The following CYP3A43 variants were observed in gnomAD, a reference collection of about 807,000 sequenced individuals.
The protein encoded by CYP3A43 is cytochrome P450 3A43.
CYP3A43 carries 45 observed loss-of-function variants against 58.0 expected under a neutral mutation model. The observed-to-expected ratio is 0.78, with a 90% CI of 0.61 to 0.99. The LOEUF is 0.99. Ranked by LOEUF, CYP3A43 falls within the 50% of genes least tolerant of loss-of-function variation. The probability of loss-of-function intolerance (pLI) is 0.00; values close to 1 mark genes in which losing one functional copy is unlikely to be tolerated. For synonymous variants in CYP3A43, 191 were observed against 201.4 expected, an observed-to-expected ratio of 0.95 and a Z score of 0.44; for missense variants, 593 against 591.9, an observed-to-expected ratio of 1.00 and a Z score of -0.02.
intron 1 of CYP3A43, among the ~76,000 whole-genome samples, chr7:99,834,839 T>A (rs1328167267): frequency 6.6e-6 from 1 of 152,228 alleles, no homozygotes; most frequent in Non-Finnish European, 1.5e-5. Context: ...GTTGGTTCAC[T>A]GGTAGGGTTA....
chr7:99,849,716 T>TTCTC lies in CYP3A43; in HGVS notation c.670+39_670+42dup, dbSNP rs45550031. The TTCTC allele has an allele frequency of 1.3e-4, 188 of 1,500,520 alleles. 3 individuals are homozygous for TTCTC. In the African/African-American group the frequency reaches 1.5e-3, roughly 12 times the overall value. 93.0% of individuals were successfully genotyped at this position (1,500,520 alleles called of 1,614,324 possible). On this transcript the variant is annotated intron_variant, in intron 7 of 12. Transcript: ENST00000354829. ...ATATGTATGTGGACTTTTATGTTAT[T>TTCTC]TCTCTCTCTCTCTCTCTCTCATCTA...
intron 3 of CYP3A43, among the ~76,000 whole-genome samples, chr7:99,840,583 T>C (rs1324077092): frequency 2.0e-5 from 3 of 152,248 alleles, no homozygotes; most frequent in Non-Finnish European, 2.9e-5. Flanking sequence ...TGAGAGCTAA[T>C]TGGTGCCTTA....
In CYP3A43 at chr7:99,847,494, G is replaced by A. The variant is rs1374053871; in HGVS notation, c.325G>A (p.Gly109Ser). 6.2e-7 allele frequency: 1 copy of A among 1,613,634 alleles called. No individual in the cohort carries two copies. Among genetic ancestry groups the A allele is most frequent in the Non-Finnish European group, 8.5e-7 (1 of 1,179,880 alleles). ...YSVFTNQMPL[G>S]PMGFLKSALS... Reference sequence around the variant, plus strand: ...CTTCTGCTTTGAACTCAAGCCTTTAGGTCCAATGGGATTTCTGAAAAGTGC... The same window carrying A: ...CTTCTGCTTTGAACTCAAGCCTTTAAGTCCAATGGGATTTCTGAAAAGTGC... Residue 109 changes from glycine to serine, a missense_variant, in exon 5 of 13, where the codon GGT (glycine) becomes AGT (serine). Physicochemically the swap from Gly to Ser is moderately conservative, Grantham distance 56. Coordinates refer to ENST00000354829, the MANE Select transcript of CYP3A43 (RefSeq NM_057095.3).
rs1267781611 is a variant in CYP3A43 at position 99,855,677 on chromosome 7, A to G, written c.757A>G (p.Ile253Val). The change falls in exon 8 of 13, where the codon ATT becomes GTT. Residue 253 changes from isoleucine to valine, a missense_variant. Transcript: ENST00000354829. Reference protein sequence around the residue: ...KDVTHFLKNSIERMKESRLKD... With the variant: ...KDVTHFLKNSVERMKESRLKD... Reference sequence around the variant, plus strand: ...TGTTACCCATTTTTTAAAAAATTCCATTGAAAGGATGAAAGAAAGTCGCCT... The same window carrying G: ...TGTTACCCATTTTTTAAAAAATTCCGTTGAAAGGATGAAAGAAAGTCGCCT... 3.1e-6 allele frequency: 5 copies of G among 1,612,950 alleles called. No homozygotes were observed. The highest frequency in any genetic ancestry group is 1.7e-5 in the Admixed American group (1 of 59,832).
At chr7:99,852,791 G>A (rs1418702661) in intron 7 of CYP3A43, among the ~76,000 whole-genome samples, 1 of 152,126 alleles carries the variant, frequency 6.6e-6, no homozygotes, top group African/African-American at 2.4e-5. Flanking sequence ...GTATCAGGTG[G>A]AAGAATTCTC....
intron 11 of CYP3A43, among the ~76,000 whole-genome samples, chr7:99,862,155 C>T (rs916250539): frequency 1.3e-5 from 2 of 152,194 alleles, no homozygotes; most frequent in Non-Finnish European, 2.9e-5. Context: ...TACCTATCTA[C>T]TATCTTACGT....
At chr7:99,832,411 C>T (rs1816881446) in intron 1 of CYP3A43, among the ~76,000 whole-genome samples, 1 of 151,594 alleles carries the variant, frequency 6.6e-6, no homozygotes, top group Admixed American at 6.6e-5. Context: ...AATGAATTCT[C>T]ACAAGATCTG....
At chr7:99,832,101 T>TCCTA (rs1816865955) in intron 1 of CYP3A43, among the ~76,000 whole-genome samples, 1 of 152,046 alleles carries the variant, frequency 6.6e-6, no homozygotes, top group African/African-American at 2.4e-5. Flanking sequence ...GATGGCCAGA[T>TCCTA]CCTAAAACAA....
chr7:99,841,530 T>G lies in CYP3A43; in HGVS notation c.218+2358T>G, dbSNP rs1817333575. 2.6e-5 allele frequency among the ~76,000 whole-genome samples: 4 copies of G among 152,132 alleles called. No individual in the cohort carries two copies. In the South Asian group the frequency reaches 8.3e-4, roughly 32 times the overall value. On this transcript the variant is annotated intron_variant, in intron 3 of 12. Transcript: ENST00000354829. ...CCCCTGCCTCAGCCTCCTGAGTAGC[T>G]GGGATTATAGGCACTCACTACCATG... is the stretch of plus-strand genomic sequence containing the variant.
chr7:99,841,397 T>C (rs1817324561), intron 3 of CYP3A43, among the ~76,000 whole-genome samples: 1 of 152,110 alleles, frequency 6.6e-6, no homozygotes, highest in South Asian at 2.1e-4. Context: ...TATATTTCTT[T>C]GACACTTTTC....
intron 10 of CYP3A43, 100 bp downstream of exon 10, chr7:99,860,090 A>C: frequency 7.0e-7 from 1 of 1,424,808 alleles, no homozygotes; most frequent in Non-Finnish European, 9.4e-7. Flanking sequence ...AAGCGTAAGC[A>C]TCAGTTCTTT....
chr7:99,861,636 G>T lies in CYP3A43; in HGVS notation c.1050G>T (p.Leu350=). Residue 350 remains leucine, a synonymous_variant, in exon 11 of 13, where the codon CTG becomes CTT. Coordinates refer to ENST00000354829, the MANE Select transcript of CYP3A43 (RefSeq NM_057095.3). The stretch of plus-strand genomic sequence containing the variant: ...AGGCACCTGTCACCTACGATGCCCT[G>T]GTACAGATGGAGTACCTTGACATGG... ...PNKAPVTYDA[L]VQMEYLDMVV... is the part of the protein sequence containing the mutation. 6.2e-7 allele frequency: 1 copy of T among 1,614,050 alleles called. No individual in the cohort carries two copies. The highest frequency in any genetic ancestry group is 8.5e-7 in the Non-Finnish European group (1 of 1,179,974).
chr7:99,833,112 T>A (rs1157825232), intron 1 of CYP3A43, among the ~76,000 whole-genome samples: 2 of 152,180 alleles, frequency 1.3e-5, no homozygotes. Context: ...TCAGCTGCTT[T>A]TAGTTAATCA....
intron 1 of CYP3A43, among the ~76,000 whole-genome samples, chr7:99,829,279 C>T (rs1816747248): frequency 6.6e-6 from 1 of 152,176 alleles, no homozygotes; most frequent in Non-Finnish European, 1.5e-5. Context: ...AAGAGCCAAA[C>T]TCTGTACAAT....
At chr7:99,861,360 G>A (rs530945731) in intron 10 of CYP3A43, among the ~76,000 whole-genome samples, 7 of 152,282 alleles carry the variant, frequency 4.6e-5, no homozygotes, top group African/African-American at 7.2e-5. Flanking sequence ...GAAAAAACAC[G>A]AAATGGTAAT....
intron 1 of CYP3A43, among the ~76,000 whole-genome samples, chr7:99,835,320 A>G (rs958710636): frequency 1.3e-5 from 2 of 152,196 alleles, no homozygotes; most frequent in Non-Finnish European, 2.9e-5. Flanking sequence ...ACTTAATGTT[A>G]CAGTCTGGGC....
intron 1 of CYP3A43, among the ~76,000 whole-genome samples, chr7:99,833,326 G>C (rs193004129): frequency 2.2e-4 from 34 of 152,142 alleles, no homozygotes; most frequent in East Asian, 9.7e-4. Flanking sequence ...TTCGTGGGAG[G>C]GGGGAGATCT....
In CYP3A43 at chr7:99,848,261, A is replaced by G. The variant is rs1364152129; in HGVS notation, c.521+7A>G. Reference sequence around the variant, plus strand: ...AGTCCATCAACTTGAAAGAGTAAGTAGCACAGTCTTGAGGTTCTGAGCTGT... The same window carrying G: ...AGTCCATCAACTTGAAAGAGTAAGTGGCACAGTCTTGAGGTTCTGAGCTGT... On this transcript the variant is annotated splice_region_variant and intron_variant, in intron 6 of 12. Coordinates refer to ENST00000354829, the MANE Select transcript of CYP3A43 (RefSeq NM_057095.3). The G allele has an allele frequency of 3.1e-6, 5 of 1,613,916 alleles. No individual in the cohort carries two copies. The highest frequency in any genetic ancestry group is 4.2e-6 in the Non-Finnish European group (5 of 1,179,896).
intron 7 of CYP3A43, among the ~76,000 whole-genome samples, chr7:99,854,553 A>G (rs1817899755): frequency 6.6e-6 from 1 of 151,896 alleles, no homozygotes; most frequent in African/African-American, 2.4e-5. Flanking sequence ...TTGCTTTTAA[A>G]TCTGTATTTC....
Sources: allele counts gnomAD v4.1 joint callset (sites outside exome capture counted in the v4.1 genomes callset), GRCh38; gene constraint gnomAD v4.1.1; transcripts MANE v1.5; gene names NCBI Gene and HGNC (gene_info 2026-07-23, HGNC 2026-07-21).